The following KCNQ1 variants were observed in gnomAD, a reference collection of about 807,000 sequenced individuals.
The protein encoded by KCNQ1 is potassium voltage-gated channel subfamily KQT member 1.
A neutral mutation model predicts 72.4 loss-of-function variants in KCNQ1; 49 were observed. The ratio of observed to expected loss-of-function variants is 0.68; its 90% CI spans 0.54 to 0.86. The LOEUF is 0.86. KCNQ1 is among the 40% of genes least tolerant of loss of function. The pLI, the probability that KCNQ1 is intolerant of heterozygous loss-of-function variation, is 0.00. For synonymous variants in KCNQ1, 450 were observed against 412.6 expected (o/e 1.09, Z -1.10); for missense variants, 790 against 945.1 (o/e 0.84, Z 2.15).
At chr11:2,582,209 G>A (rs1172386997) in intron 6 of KCNQ1, among the ~76,000 whole-genome samples, 2 of 152,212 alleles carry the variant, frequency 1.3e-5, no homozygotes, top group Non-Finnish European at 1.5e-5. Flanking sequence ...CGCGTGAGCC[G>A]TGTGCACCTG....
intron 1 of KCNQ1, among the ~76,000 whole-genome samples, chr11:2,519,227 C>T (rs1455549473): frequency 2.6e-5 from 4 of 152,340 alleles, no homozygotes; most frequent in Middle Eastern, 3.4e-3. Context: ...AGCCATGTCC[C>T]GCCTGTGCCG....
Position 2,713,246 on chromosome 11 carries a change from G to A in KCNQ1, c.1514+51165G>A, listed in dbSNP as rs139976972. On this transcript the variant is annotated intron_variant, in intron 11 of 15. Coordinates refer to ENST00000155840, the MANE Select transcript of KCNQ1 (RefSeq NM_000218.3). The surrounding 1 kb of genome is among the most constrained non-coding windows in gnomAD (Gnocchi z 5.6). ...CCCGAGCCAGCCGGACCTGCATCCCGCTCCTCCTCCGCTCCCTGGAAACGT... is the reference window on the plus strand; with the variant it reads ...CCCGAGCCAGCCGGACCTGCATCCCACTCCTCCTCCGCTCCCTGGAAACGT... Among the ~76,000 whole-genome samples the A allele has an allele frequency of 7.7e-4, 117 of 152,204 alleles. 1 individual carries two copies. Among genetic ancestry groups the A allele is most frequent in the Non-Finnish European group, 1.1e-3 (72 of 68,012 alleles).
Position 2,803,376 on chromosome 11 carries a change from C to T in KCNQ1, c.1794+25339C>T, listed in dbSNP as rs1219979718. On this transcript the variant is annotated intron_variant, in intron 15 of 15. Transcript: ENST00000155840. This position sits in a 1 kb window ranked among gnomAD's most constrained non-coding sequence, Gnocchi z 6.4. ...TGGGGATGGGGCTTGGAGGATGTGG[C>T]AGAGTTCCCATGGTGTGTGTAGAAT... is the stretch of plus-strand genomic sequence containing the variant. Among the ~76,000 whole-genome samples, 1 of 152,198 alleles carries T rather than the reference C, an allele frequency of 6.6e-6. No homozygotes were observed. The highest frequency in any genetic ancestry group is 6.5e-5 in the Admixed American group (1 of 15,290).
intron 1 of KCNQ1, among the ~76,000 whole-genome samples, chr11:2,505,401 T>C (rs1847086572): frequency 6.6e-6 from 1 of 152,224 alleles, no homozygotes; most frequent in Admixed American, 6.5e-5. Flanking sequence ...GCCTGATCTC[T>C]CCTGGGAACA....
At position 2,538,270 on chromosome 11, in the gene KCNQ1, C is replaced by T. The variant is rs553600663; in HGVS notation, c.477+10252C>T. 1.3e-5 allele frequency among the ~76,000 whole-genome samples: 2 copies of T among 152,302 alleles called. No individual in the cohort carries two copies. Among genetic ancestry groups the T allele is most frequent in the Admixed American group, 6.5e-5 (1 of 15,304 alleles). ...CTTCTTTGACCTGGAGCAGCCCTGCCCGGCCTTCCCTTCTTGGTCTCTCTC... is the reference window on the plus strand; with the variant it reads ...CTTCTTTGACCTGGAGCAGCCCTGCTCGGCCTTCCCTTCTTGGTCTCTCTC... On this transcript the variant is annotated intron_variant, in intron 2 of 15. Coordinates refer to ENST00000155840, the MANE Select transcript of KCNQ1 (RefSeq NM_000218.3). The surrounding 1 kb of genome is among the most constrained non-coding windows in gnomAD (Gnocchi z 6.7).
At chr11:2,649,479 G>C (rs1849724892) in intron 10 of KCNQ1, 1 of 398,448 alleles carries the variant, frequency 2.5e-6, no homozygotes. Flanking sequence ...TAGTAGTAAT[G>C]AATTCCCTCA....
chr11:2,697,982 A>G, intron 11 of KCNQ1: 1 of 398,636 alleles, frequency 2.5e-6, no homozygotes, highest in East Asian at 3.6e-5. Context: ...CAATCCTTAA[A>G]TTTTTCTCCT....
In KCNQ1 at chr11:2,544,302, GTGTATATA is replaced by G. The variant is rs200472791; in HGVS notation, c.477+16294_477+16301del. On this transcript the variant is annotated intron_variant, in intron 2 of 15. Transcript: ENST00000155840. The surrounding 1 kb of genome is among the most constrained non-coding windows in gnomAD (Gnocchi z 4.4). ...TATGTGTATATATATATGTATATATGTGTATATATGTATATATCTATGTATATATATGT... is the reference window on the plus strand; with the variant it reads ...TATGTGTATATATATATGTATATATGTGTATATATCTATGTATATATATGT... Among the ~76,000 whole-genome samples the G allele has an allele frequency of 0.14, 19,533 of 139,154 alleles. 1,648 individuals carry two copies. Among genetic ancestry groups the G allele is most frequent in the East Asian group, 0.27 (1,227 of 4,604 alleles). The allele number at this position is 139,154 out of a possible 152,430, so 91.3% of individuals were successfully genotyped here.
intron 15 of KCNQ1, among the ~76,000 whole-genome samples, chr11:2,786,053 T>C (rs982914361): frequency 6.6e-6 from 1 of 152,150 alleles, no homozygotes; most frequent in African/African-American, 2.4e-5. Context: ...CTTTGTCATT[T>C]GTTATTTCTT....
chr11:2,845,093 A>G (rs12277369), intron 15 of KCNQ1, among the ~76,000 whole-genome samples: 9,427 of 152,216 alleles, frequency 0.062, 422 homozygotes, highest in Middle Eastern at 0.17. Context: ...GACCCCTACC[A>G]GGCATGAGCA....
Position 2,481,453 on chromosome 11 carries a change from A to G in KCNQ1, c.386+35969A>G, listed in dbSNP as rs895762409. On this transcript the variant is annotated intron_variant, in intron 1 of 15. Coordinates refer to ENST00000155840, the MANE Select transcript of KCNQ1 (RefSeq NM_000218.3). This position sits in a 1 kb window ranked among gnomAD's most constrained non-coding sequence, Gnocchi z 4.6. ...GCAGTCAGGAGTGAGTTGCACGTCT[A>G]CAGCTAGGCTGCTTCCCCGAGGCTG... is the stretch of plus-strand genomic sequence containing the variant. Among the ~76,000 whole-genome samples, 9 of 152,280 alleles carry G rather than the reference A, an allele frequency of 5.9e-5. No homozygotes were observed. The highest frequency in any genetic ancestry group is 3.3e-4 in the Admixed American group (5 of 15,292).
chr11:2,537,758 G>T lies in KCNQ1; in HGVS notation c.477+9740G>T, dbSNP rs1847757311. Among the ~76,000 whole-genome samples, 1 of 152,020 alleles carries T rather than the reference G, an allele frequency of 6.6e-6. No individual in the cohort carries two copies. The highest frequency in any genetic ancestry group is 1.5e-5 in the Non-Finnish European group (1 of 68,000). The stretch of plus-strand genomic sequence containing the variant: ...GAGAGAGAGAGGGTCTTGCTGTGTT[G>T]CCCAGGTTGGAGAGTAGTGGCATAC... On this transcript the variant is annotated intron_variant, in intron 2 of 15. Transcript: ENST00000155840. This position sits in a 1 kb window ranked among gnomAD's most constrained non-coding sequence, Gnocchi z 5.2.
At chr11:2,532,005 C>A (rs567523865) in intron 2 of KCNQ1, among the ~76,000 whole-genome samples, 3 of 152,346 alleles carry the variant, frequency 2.0e-5, no homozygotes, top group South Asian at 2.1e-4. Context: ...CCAGGCCAAG[C>A]CTTGGACATT....
chr11:2,788,026 G>A (rs998990712), intron 15 of KCNQ1, among the ~76,000 whole-genome samples: 24 of 152,146 alleles, frequency 1.6e-4, no homozygotes, highest in Admixed American at 1.6e-3. Flanking sequence ...CTCCCCCAAC[G>A]TTTACCCAGG....
chr11:2,459,542 G>T (rs1431668218), intron 1 of KCNQ1, among the ~76,000 whole-genome samples: 1 of 152,138 alleles, frequency 6.6e-6, no homozygotes, highest in Non-Finnish European at 1.5e-5. Flanking sequence ...CCCTCTGTGG[G>T]GGCAGGCTGT....
rs1850342043 is a variant in KCNQ1, at chr11:2,679,023, A to T, written c.1514+16942A>T. 5.0e-6 allele frequency: 2 copies of T among 398,490 alleles called. No individual in the cohort carries two copies. Among genetic ancestry groups the T allele is most frequent in the Non-Finnish European group, 8.8e-6 (2 of 226,090 alleles). 24.7% of individuals were successfully genotyped at this position (398,490 alleles called of 1,614,324 possible). A position where few individuals can be genotyped will look rare whatever the true frequency, so the allele number is the denominator to read the frequency against. On this transcript the variant is annotated intron_variant, in intron 11 of 15. Transcript: ENST00000155840. This position sits in a 1 kb window ranked among gnomAD's most constrained non-coding sequence, Gnocchi z 4.8. ...CCCGCAATAAGAAACATAATCTAAA[A>T]CTTGTAGCCCAGCCCCTCCTCCATA...
In KCNQ1 at chr11:2,613,158, T is replaced by C. The variant is rs999852033; in HGVS notation, c.1393+24304T>C. 2.5e-6 allele frequency: 1 copy of C among 398,474 alleles called. No homozygotes were observed. Among genetic ancestry groups the C allele is most frequent in the Non-Finnish European group, 4.4e-6 (1 of 226,076 alleles). 24.7% of individuals were successfully genotyped at this position (398,474 alleles called of 1,614,324 possible). A position where few individuals can be genotyped will look rare whatever the true frequency, so the allele number is the denominator to read the frequency against. ...TCTGCTGAGGGGATCTATGTGTGGG[T>C]TGGGACATTCAAAGTTCAGGCACTT... is the stretch of plus-strand genomic sequence containing the variant. On this transcript the variant is annotated intron_variant, in intron 10 of 15. Transcript: ENST00000155840. The surrounding 1 kb of genome is among the most constrained non-coding windows in gnomAD (Gnocchi z 4.8).
chr11:2,768,927 CT>C lies in KCNQ1; in HGVS notation c.1590+9del. ...GCCAAGAAGAAATTCCAGGTAAGCC[CT>C]GTGCTGAGCCTTCCTGCCCTCAGCC... On this transcript the variant is annotated intron_variant, in intron 12 of 15. Transcript: ENST00000155840. The surrounding 1 kb of genome is among the most constrained non-coding windows in gnomAD (Gnocchi z 6.7). The C allele has an allele frequency of 1.2e-6, 2 of 1,610,910 alleles. No homozygotes were observed. The highest frequency in any genetic ancestry group is 1.7e-6 in the Non-Finnish European group (2 of 1,177,314).
At position 2,691,156 on chromosome 11, in the gene KCNQ1, C is replaced by A. The variant is rs1474273526; in HGVS notation, c.1514+29075C>A. 5.0e-6 allele frequency: 2 copies of A among 398,518 alleles called. No individual in the cohort carries two copies. The highest frequency in any genetic ancestry group is 4.1e-5 in the African/African-American group (2 of 48,630). 24.7% of individuals were successfully genotyped at this position (398,518 alleles called of 1,614,324 possible). ...TGCAGAGTCTGTGCTGGCCTCTGGC[C>A]TCTCACAGCCTTGGGAGGGGTGCTC... On this transcript the variant is annotated intron_variant, in intron 11 of 15. Coordinates refer to ENST00000155840, the MANE Select transcript of KCNQ1 (RefSeq NM_000218.3). The surrounding 1 kb of genome is among the most constrained non-coding windows in gnomAD (Gnocchi z 6.4).
Sources: allele counts gnomAD v4.1 joint callset (sites outside exome capture counted in the v4.1 genomes callset), GRCh38; gene constraint gnomAD v4.1.1; non-coding constraint Gnocchi (gnomAD v3.1); transcripts MANE v1.5; gene names NCBI Gene and HGNC (gene_info 2026-07-23, HGNC 2026-07-21).